The following DAB1 variants were observed in gnomAD, a reference collection of about 807,000 sequenced individuals.
DAB1 encodes the protein DAB adaptor protein 1.
A neutral mutation model predicts 64.6 loss-of-function variants in DAB1; 15 were observed. That is an observed-to-expected ratio of 0.23 (90% confidence interval 0.16 to 0.36). The LOEUF is 0.36. DAB1 is among the 10% of genes least tolerant of loss of function. The pLI is 1.00. For synonymous variants in DAB1, 235 were observed against 251.9 expected (o/e 0.93, Z 0.64); for missense variants, 596 against 706.7 (o/e 0.84, Z 1.78).
intron 5 of DAB1, among the ~76,000 whole-genome samples, chr1:58,027,367 T>C (rs75316107): frequency 0.019 from 2,957 of 152,282 alleles, 81 homozygotes; most frequent in African/African-American, 0.064. Context: ...CCAGCCTTGA[T>C]TGGATTTTTT....
At chr1:57,652,949 G>A (rs59604645) in intron 6 of DAB1, among the ~76,000 whole-genome samples, 1 of 152,292 alleles carries the variant, frequency 6.6e-6, no homozygotes, top group East Asian at 1.9e-4. Flanking sequence ...ACAAAGTTCA[G>A]TTTACAATTT....
In DAB1 at chr1:58,288,038, A is replaced by AAAAAAAAAAAAAAAAAAAAAAAAG. The variant is rs1557722959; in HGVS notation, n.309+55313_309+55314insCTTTTTTTTTTTTTTTTTTTTTTT. On this transcript the variant is annotated intron_variant and non_coding_transcript_variant, in intron 4 of 20. Transcript: ENST00000485760. The stretch of plus-strand genomic sequence containing the variant: ...CTGCCTCAAAAAAAAAAAAAAAAAA[A>AAAAAAAAAAAAAAAAAAAAAAAAG]AAAAAAAGAAAAAAAAGAGCAGCAA... 1.6e-5 allele frequency among the ~76,000 whole-genome samples: 2 copies of AAAAAAAAAAAAAAAAAAAAAAAAG among 122,660 alleles called. 1 individual carries two copies. The highest frequency in any genetic ancestry group is 3.4e-5 in the Non-Finnish European group (2 of 59,486). The allele number at this position is 122,660 out of a possible 152,430, so 80.5% of individuals were successfully genotyped here.
intron 3 of DAB1, among the ~76,000 whole-genome samples, chr1:58,397,380 C>T (rs766884233): frequency 5.3e-5 from 8 of 152,214 alleles, no homozygotes; most frequent in Non-Finnish European, 7.3e-5. Flanking sequence ...TCAGTCCAGG[C>T]CCTGGGACCA....
chr1:57,377,448 G>A (rs879600275), intron 1 of DAB1, among the ~76,000 whole-genome samples: 14 of 152,036 alleles, frequency 9.2e-5, no homozygotes, highest in Non-Finnish European at 1.9e-4. Context: ...TTGGGGAGAG[G>A]TGCCCAGAAA....
intron 3 of DAB1, among the ~76,000 whole-genome samples, chr1:58,389,826 T>C (rs1226693767): frequency 1.3e-5 from 2 of 152,182 alleles, no homozygotes; most frequent in South Asian, 4.1e-4. Flanking sequence ...AATTGAATTC[T>C]AAAGATACAG....
intron 1 of DAB1, among the ~76,000 whole-genome samples, chr1:57,357,578 CA>C (rs1285067971): frequency 1.5e-5 from 1 of 67,788 alleles, no homozygotes; most frequent in Non-Finnish European, 3.0e-5. Flanking sequence ...GTTTCTTTTT[CA>C]GATAGTTCAC....
At chr1:57,710,639 C>T (rs949657026) in intron 6 of DAB1, among the ~76,000 whole-genome samples, 4 of 151,722 alleles carry the variant, frequency 2.6e-5, no homozygotes, top group African/African-American at 9.7e-5. Context: ...TTTTAATTTG[C>T]TGTTTTTTTT....
chr1:57,802,481 C>T (rs769461283), intron 6 of DAB1, among the ~76,000 whole-genome samples: 18 of 152,088 alleles, frequency 1.2e-4, no homozygotes, highest in Non-Finnish European at 2.5e-4. Flanking sequence ...CAAAGCCTGT[C>T]GAGCCTAGCG....
chr1:58,355,125 A>C (rs1218365126), intron 3 of DAB1, among the ~76,000 whole-genome samples: 3 of 152,194 alleles, frequency 2.0e-5, no homozygotes, highest in African/African-American at 7.2e-5. Flanking sequence ...TGATCTAAAG[A>C]GTTCACAGGT....
chr1:57,853,232 G>T (rs1283238688), intron 1 of DAB1, among the ~76,000 whole-genome samples: 2 of 149,774 alleles, frequency 1.3e-5, no homozygotes, highest in East Asian at 2.0e-4. Context: ...ATAAGAAAGG[G>T]TTTGGGGCTA....
intron 3 of DAB1, among the ~76,000 whole-genome samples, chr1:58,396,795 G>C (rs1299295398): frequency 6.6e-6 from 1 of 152,150 alleles, no homozygotes; most frequent in African/African-American, 2.4e-5. Flanking sequence ...GGGCGCGGTG[G>C]CTCACGCCTG....
At chr1:57,250,417 G>A (rs1277285030) in intron 2 of DAB1, among the ~76,000 whole-genome samples, 2 of 152,106 alleles carry the variant, frequency 1.3e-5, no homozygotes, top group Non-Finnish European at 1.5e-5. Context: ...CCTACGCGAG[G>A]AGGTACTCCA....
chr1:58,091,472 T>A (rs1178281245), intron 5 of DAB1, among the ~76,000 whole-genome samples: 1 of 152,200 alleles, frequency 6.6e-6, no homozygotes, highest in African/African-American at 2.4e-5. Flanking sequence ...TTGCATTTTG[T>A]CTTTACAATG....
intron 5 of DAB1, among the ~76,000 whole-genome samples, chr1:57,951,256 G>A (rs1398238927): frequency 6.9e-6 from 1 of 145,786 alleles, no homozygotes; most frequent in East Asian, 1.9e-4. Flanking sequence ...ACATTGGGGG[G>A]TGAGGGGGGT....
At chr1:58,275,501 A>C (rs1415437181) in intron 4 of DAB1, among the ~76,000 whole-genome samples, 3 of 152,206 alleles carry the variant, frequency 2.0e-5, no homozygotes, top group African/African-American at 7.2e-5. Context: ...ATAAATTGGC[A>C]AAAACTTGAA....
At chr1:57,258,758 G>A (rs1356091051) in intron 2 of DAB1, among the ~76,000 whole-genome samples, 1 of 152,080 alleles carries the variant, frequency 6.6e-6, no homozygotes, top group Admixed American at 6.6e-5. Context: ...TGTGAACCTG[G>A]ATGTGACACA....
chr1:57,001,394 T>C (rs967108010), intron 14 of DAB1, among the ~76,000 whole-genome samples: 4 of 152,204 alleles, frequency 2.6e-5, no homozygotes, highest in Admixed American at 2.6e-4. Flanking sequence ...TCAAAGCACC[T>C]TCGCCGGGCA....
At chr1:58,263,906 G>A (rs1326462721) in intron 4 of DAB1, among the ~76,000 whole-genome samples, 1 of 152,130 alleles carries the variant, frequency 6.6e-6, no homozygotes, top group African/African-American at 2.4e-5. Flanking sequence ...AATACAAATT[G>A]AGCCATTCAC....
At chr1:57,629,828 T>G (rs1195205954) in intron 7 of DAB1, among the ~76,000 whole-genome samples, 1 of 151,438 alleles carries the variant, frequency 6.6e-6, no homozygotes, top group Non-Finnish European at 1.5e-5. Flanking sequence ...TGTCATAGCA[T>G]TACAAAGGTT....
Sources: gnomAD v4.1 joint callset for allele counts (sites outside exome capture counted in the v4.1 genomes callset) on GRCh38, gnomAD v4.1.1 for gene constraint, MANE v1.5 for transcripts, NCBI Gene and HGNC (gene_info 2026-07-23, HGNC 2026-07-21) for gene names.